Variants in ARID4A observed in about 807,000 individuals in gnomAD.
The protein encoded by ARID4A is AT-rich interactive domain-containing protein 4A.
Under a neutral mutation model 148.6 loss-of-function variants are expected in ARID4A, and 39 were observed. The observed-to-expected ratio is 0.26, with a 90% CI of 0.20 to 0.34. The LOEUF is 0.34. Among genes scored for constraint, ARID4A ranks in the 10% least tolerant of loss-of-function variants. The pLI is 1.00. For missense variants in ARID4A, 1,265 were observed against 1,449.1 expected (o/e 0.87, Z 2.06); for synonymous variants, 475 against 481.2 (o/e 0.99, Z 0.17).
intron 12 of ARID4A, among the ~76,000 whole-genome samples, chr14:58,345,419 T>A (rs898449197): frequency 2.0e-5 from 3 of 152,314 alleles, no homozygotes; most frequent in Admixed American, 6.5e-5. Flanking sequence ...GCAAATAAAC[T>A]AGATAAACTA....
At chr14:58,347,611 C>A in intron 14 of ARID4A, 36 bp from the exon 15 acceptor site, 2 of 1,448,452 alleles carry the variant, frequency 1.4e-6, no homozygotes, top group Non-Finnish European at 1.9e-6. Flanking sequence ...GATGCAAAGA[C>A]TGTAAGATTT....
At chr14:58,322,081 G>A (rs1279729809) in intron 7 of ARID4A, among the ~76,000 whole-genome samples, 4 of 151,456 alleles carry the variant, frequency 2.6e-5, no homozygotes, top group African/African-American at 7.3e-5. Context: ...AGTGATTCTC[G>A]TGCCTCAGCC....
intron 3 of ARID4A, among the ~76,000 whole-genome samples, chr14:58,302,573 G>A (rs2031267230): frequency 1.3e-5 from 2 of 152,076 alleles, no homozygotes; most frequent in Admixed American, 6.5e-5. Flanking sequence ...CAGGAGAATC[G>A]CTTGAACCCA....
intron 19 of ARID4A, among the ~76,000 whole-genome samples, chr14:58,361,578 C>G (rs1446212808): frequency 1.3e-5 from 2 of 152,154 alleles, no homozygotes; most frequent in East Asian, 3.8e-4. Context: ...ACAATTAATA[C>G]AGTGGAAAAA....
intron 19 of ARID4A, among the ~76,000 whole-genome samples, chr14:58,361,443 G>T (rs1459233268): frequency 6.6e-6 from 1 of 152,182 alleles, no homozygotes; most frequent in Non-Finnish European, 1.5e-5. Context: ...AGCCACCCAT[G>T]TGAACAGTCT....
At chr14:58,346,975 A>AAATT in intron 13 of ARID4A, 45 bp from the exon 14 acceptor site, 1 of 296,154 alleles carries the variant, frequency 3.4e-6, no homozygotes, top group Non-Finnish European at 6.1e-6. Context: ...AAAAAAAAAG[A>AAATT]TTAATTCCCT....
intron 11 of ARID4A, among the ~76,000 whole-genome samples, chr14:58,335,140 A>G (rs1456307265): frequency 6.6e-6 from 1 of 152,158 alleles, no homozygotes; most frequent in Non-Finnish European, 1.5e-5. Flanking sequence ...GTTGAGTAGT[A>G]TTCAGTACCT....
chr14:58,318,461 TAGC>T, intron 5 of ARID4A, 78 bp from the exon 6 acceptor site: 1 of 1,289,264 alleles, frequency 7.8e-7, no homozygotes, highest in Non-Finnish European at 1.1e-6. Context: ...CTCTAATTAA[TAGC>T]AATAATAGCA....
Position 58,365,065 on chromosome 14 carries a change from A to G in ARID4A, c.2976A>G (p.Pro992=), listed in dbSNP as rs757491159. The change falls in exon 20 of 24, where the codon CCA becomes CCG. Residue 992 remains proline, a synonymous_variant. Transcript: ENST00000355431. ...SSESNSLVSI[P]PALPPVVQHN... is the part of the protein sequence containing the mutation. Reference sequence around the variant, plus strand: ...AGTCTAACTCTCTTGTTTCTATTCCACCTGCCCTACCTCCTGTAGTCCAAC... The same window carrying G: ...AGTCTAACTCTCTTGTTTCTATTCCGCCTGCCCTACCTCCTGTAGTCCAAC... The G allele has an allele frequency of 1.2e-6, 2 of 1,614,076 alleles. No individual in the cohort carries two copies. The highest frequency in any genetic ancestry group is 2.7e-5 in the African/African-American group (2 of 75,042).
chr14:58,317,247 T>A (rs1478338505), intron 5 of ARID4A, among the ~76,000 whole-genome samples: 1 of 150,344 alleles, frequency 6.7e-6, no homozygotes, highest in Non-Finnish European at 1.5e-5. Context: ...ATCTATGTAA[T>A]TATGATTTTT....
chr14:58,342,440 T>C (rs912817105), intron 11 of ARID4A, among the ~76,000 whole-genome samples: 4 of 152,216 alleles, frequency 2.6e-5, no homozygotes, highest in African/African-American at 9.6e-5. Context: ...ATTTTATCTA[T>C]AAAAATATAT....
At chr14:58,334,494 TTTTATGA>T (rs2033696544) in intron 11 of ARID4A, among the ~76,000 whole-genome samples, 1 of 152,194 alleles carries the variant, frequency 6.6e-6, no homozygotes, top group Non-Finnish European at 1.5e-5. Context: ...CCACTCTAAA[TTTTATGA>T]TTACCAAATT....
intron 18 of ARID4A, among the ~76,000 whole-genome samples, chr14:58,359,626 C>G (rs2035044215): frequency 6.6e-6 from 1 of 152,192 alleles, no homozygotes; most frequent in Non-Finnish European, 1.5e-5. Flanking sequence ...CCCCTGACAA[C>G]TACAGACTTT....
intron 5 of ARID4A, among the ~76,000 whole-genome samples, chr14:58,314,129 C>T (rs1344078305): frequency 1.3e-5 from 2 of 152,198 alleles, no homozygotes; most frequent in Non-Finnish European, 2.9e-5. Flanking sequence ...ATTCAAAAGC[C>T]ATTTTTGGAA....
chr14:58,356,065 G>A (rs763607946), intron 17 of ARID4A, among the ~76,000 whole-genome samples: 9 of 152,150 alleles, frequency 5.9e-5, no homozygotes, highest in Non-Finnish European at 1.2e-4. Flanking sequence ...GGTTCCTAAC[G>A]AATTTAGCCA....
At chr14:58,321,874 G>A (rs1356983716) in intron 7 of ARID4A, among the ~76,000 whole-genome samples, 1 of 151,994 alleles carries the variant, frequency 6.6e-6, no homozygotes, top group Non-Finnish European at 1.5e-5. Flanking sequence ...TCAATTTATA[G>A]CTGAGGAAAA....
intron 15 of ARID4A, 88 bp downstream of exon 15, chr14:58,347,966 C>T: frequency 1.2e-6 from 1 of 864,048 alleles, no homozygotes; most frequent in South Asian, 1.9e-5. Flanking sequence ...AAAAGTACTA[C>T]AGTGAACCTA....
chr14:58,303,035 C>T (rs1343774025), intron 3 of ARID4A, among the ~76,000 whole-genome samples: 1 of 151,640 alleles, frequency 6.6e-6, no homozygotes, highest in African/African-American at 2.4e-5. Flanking sequence ...CAGTAATTTT[C>T]TTATATGAAT....
At chr14:58,367,276 G>A (rs755611766) in intron 23 of ARID4A, among the ~76,000 whole-genome samples, 7 of 152,226 alleles carry the variant, frequency 4.6e-5, no homozygotes, top group Non-Finnish European at 8.8e-5. Flanking sequence ...TTCTCAGGTA[G>A]AGCATAGTCC....
Sources: gnomAD v4.1 joint callset for allele counts (sites outside exome capture counted in the v4.1 genomes callset) on GRCh38, gnomAD v4.1.1 for gene constraint, MANE v1.5 for transcripts, NCBI Gene and HGNC (gene_info 2026-07-23, HGNC 2026-07-21) for gene names.